The following STARD13 variants were observed in gnomAD, a reference collection of about 807,000 sequenced individuals.
STARD13 encodes StAR related lipid transfer domain containing 13.
STARD13 carries 62 observed loss-of-function variants against 106.4 expected under a neutral mutation model. The observed-to-expected ratio is 0.58, with a 90% CI of 0.48 to 0.72. STARD13 has a LOEUF of 0.72. STARD13 is among the 30% of genes least tolerant of loss of function. STARD13 has a pLI of 0.00. For synonymous variants in STARD13, 565 were observed against 553.0 expected, an observed-to-expected ratio of 1.02 and a Z score of -0.31; for missense variants, 1,387 against 1,424.0, an observed-to-expected ratio of 0.97 and a Z score of 0.42.
chr13:33,646,282 A>T, the STARD13 span, among the ~76,000 whole-genome samples: 1 of 152,142 alleles, frequency 6.6e-6, no homozygotes, highest in Non-Finnish European at 1.5e-5. Context: ...TTCATATAAG[A>T]TCTTAAAACG....
In STARD13 at chr13:33,232,318, T is replaced by TTAAA. The variant is rs544495799; in HGVS notation, c.169+53148_169+53151dup. ...ACAGAGCAAGACTCTGTCTTCAAAA[T>TTAAA]TAAATAAATAAATAAATAAGCTATG... On this transcript the variant is annotated intron_variant, in intron 1 of 13. Transcript: ENST00000336934. 2.6e-3 allele frequency among the ~76,000 whole-genome samples: 398 copies of TTAAA among 152,292 alleles called. 5 individuals carry two copies. Among genetic ancestry groups the TTAAA allele is most frequent in the Middle Eastern group, 3.4e-3 (1 of 292 alleles).
At chr13:33,556,250 C>T in the STARD13 span, among the ~76,000 whole-genome samples, 2 of 151,944 alleles carry the variant, frequency 1.3e-5, no homozygotes, top group East Asian at 3.9e-4. Context: ...CATTTCCTTC[C>T]CGCCTCCCTT....
chr13:33,596,838 C>A, the STARD13 span, among the ~76,000 whole-genome samples: 1 of 152,194 alleles, frequency 6.6e-6, no homozygotes, highest in African/African-American at 2.4e-5. Flanking sequence ...ACCTACAGTT[C>A]CAACCATGTT....
At chr13:33,180,345 T>C (rs1261985928) in intron 1 of STARD13, 1 of 152,222 alleles carries the variant, frequency 6.6e-6, no homozygotes, top group Non-Finnish European at 1.5e-5. Flanking sequence ...TACCAGTTAA[T>C]AAGTAAAATA....
the STARD13 span, among the ~76,000 whole-genome samples, chr13:33,665,759 C>T: frequency 2.6e-5 from 4 of 152,072 alleles, no homozygotes; most frequent in African/African-American, 4.8e-5. Context: ...GGCAGCCATT[C>T]GGAAAAGGCT....
At position 33,165,356 on chromosome 13, in the gene STARD13, G is replaced by C. The variant is rs1566040445; in HGVS notation, c.304C>G (p.Leu102Val). ...KNDHDFLEKD[L>V]VEPLCRRLNT... ...GTTTACCTGCAAAGAGGTTCTACAAGGTCCTTTTCAAGAAAATCATGATCA... is the reference window on the plus strand; with the variant it reads ...GTTTACCTGCAAAGAGGTTCTACAACGTCCTTTTCAAGAAAATCATGATCA... The change falls in exon 3 of 14, where the codon CTT becomes GTT. Residue 102 changes from leucine (L) to valine (V), a missense_variant. Physicochemically the swap from Leu to Val is conservative, Grantham distance 32 (BLOSUM62 1). Coordinates refer to ENST00000336934, the MANE Select transcript of STARD13 (RefSeq NM_178006.4). 1.2e-6 allele frequency: 2 copies of C among 1,613,252 alleles called. No individual in the cohort carries two copies. The highest frequency in any genetic ancestry group is 3.3e-5 in the Admixed American group (2 of 59,992).
the STARD13 span, among the ~76,000 whole-genome samples, chr13:33,379,520 G>A: frequency 6.6e-6 from 1 of 152,154 alleles, no homozygotes; most frequent in Non-Finnish European, 1.5e-5. Context: ...AAGGGTAGGA[G>A]GTTTTCTGTT....
At chr13:33,323,563 C>T (rs1893635285) in intron 1 of STARD13, among the ~76,000 whole-genome samples, 1 of 152,050 alleles carries the variant, frequency 6.6e-6, no homozygotes, top group Admixed American at 6.6e-5. Flanking sequence ...GTGACTTGCC[C>T]AAAAAAGACA....
At chr13:33,652,755 G>A in the STARD13 span, among the ~76,000 whole-genome samples, 1 of 151,964 alleles carries the variant, frequency 6.6e-6, no homozygotes, top group Non-Finnish European at 1.5e-5. Context: ...TTCTTTTTCT[G>A]TAGATTGGGA....
chr13:33,204,495 A>G (rs1406094169), intron 1 of STARD13, among the ~76,000 whole-genome samples: 2 of 152,208 alleles, frequency 1.3e-5, no homozygotes, highest in Non-Finnish European at 2.9e-5. Context: ...CCAATAAGAA[A>G]AGACATAAAT....
At chr13:33,669,095 TG>T in the STARD13 span, among the ~76,000 whole-genome samples, 1 of 152,198 alleles carries the variant, frequency 6.6e-6, no homozygotes, top group Non-Finnish European at 1.5e-5. Flanking sequence ...GTCACAGCCA[TG>T]TATTGCCTTA....
rs1877707771 is a variant in STARD13, at chr13:33,129,082, A to T, written c.1595T>A (p.Ile532Asn). ...GLSTFPSPNQ[I>N]TLDFEGNSVS... ...AGAGTTACCTTCAAAATCTAAGGTG[A>T]TCTGATTAGGAGATGGAAAGGTGGA... is the stretch of plus-strand genomic sequence containing the variant. Residue 532 changes from isoleucine to asparagine, a missense_variant, in exon 5 of 14, where the codon ATC becomes AAC. Transcript: ENST00000336934. 2 of 1,613,998 alleles carry T rather than the reference A, an allele frequency of 1.2e-6. No individual in the cohort carries two copies. Among genetic ancestry groups the T allele is most frequent in the Non-Finnish European group, 1.7e-6 (2 of 1,180,018 alleles).
intron 1 of STARD13, among the ~76,000 whole-genome samples, chr13:33,309,890 C>T (rs990004921): frequency 5.9e-5 from 9 of 152,198 alleles, no homozygotes; most frequent in African/African-American, 1.7e-4. Flanking sequence ...TCTGACCCAC[C>T]TGTTCCTGTG....
chr13:33,510,331 C>A, the STARD13 span, among the ~76,000 whole-genome samples: 2 of 152,058 alleles, frequency 1.3e-5, no homozygotes, highest in Non-Finnish European at 2.9e-5. Context: ...TTTGCAAGGG[C>A]CACTTTGAGA....
chr13:33,128,848 T>G (rs967651109), intron 5 of STARD13, 81 bp downstream of exon 5: 42 of 1,405,002 alleles, frequency 3.0e-5, no homozygotes, highest in Non-Finnish European at 4.1e-5. Context: ...AAGTACTCTG[T>G]GTATGTTTGT....
At chr13:33,255,171 G>A (rs1304540123) in intron 1 of STARD13, among the ~76,000 whole-genome samples, 1 of 151,734 alleles carries the variant, frequency 6.6e-6, no homozygotes, top group Admixed American at 6.6e-5. Context: ...CACATCCTAC[G>A]AGGGGGACCA....
the STARD13 span, among the ~76,000 whole-genome samples, chr13:33,423,493 G>T: frequency 6.6e-6 from 1 of 152,322 alleles, no homozygotes; most frequent in South Asian, 2.1e-4. Flanking sequence ...TACACTGTTG[G>T]TGGGAGTGTA....
At chr13:33,328,812 T>G (rs1384178186) in intron 1 of STARD13, among the ~76,000 whole-genome samples, 1 of 152,226 alleles carries the variant, frequency 6.6e-6, no homozygotes, top group Non-Finnish European at 1.5e-5. Flanking sequence ...TCTCTAACAG[T>G]TCACTGCCTT....
chr13:33,203,090 A>AC (rs769609890), intron 1 of STARD13, among the ~76,000 whole-genome samples: 1 of 152,310 alleles, frequency 6.6e-6, no homozygotes, highest in East Asian at 1.9e-4. Flanking sequence ...ACCTCGTGCT[A>AC]CAGTAAGGCA....
Sources: gnomAD v4.1 joint callset for allele counts (sites outside exome capture counted in the v4.1 genomes callset) on GRCh38, gnomAD v4.1.1 for gene constraint, MANE v1.5 for transcripts, NCBI Gene and HGNC (gene_info 2026-07-23, HGNC 2026-07-21) for gene names.